The following CAST variants were observed in gnomAD, a reference collection of about 807,000 sequenced individuals.
CAST encodes calpastatin.
Under a neutral mutation model 119.6 loss-of-function variants are expected in CAST, and 76 were observed. The observed-to-expected ratio is 0.64, with a 90% CI of 0.53 to 0.77. CAST has a LOEUF of 0.77. Ranked by LOEUF, CAST falls within the 30% of genes least tolerant of loss-of-function variation. The probability of loss-of-function intolerance (pLI) is 0.00; values close to 1 mark genes in which losing one functional copy is unlikely to be tolerated. For missense variants in CAST, 953 were observed against 946.5 expected, an observed-to-expected ratio of 1.01 and a Z score of -0.09; for synonymous variants, 319 against 331.6, an observed-to-expected ratio of 0.96 and a Z score of 0.41.
intron 1 of CAST, among the ~76,000 whole-genome samples, chr5:96,580,311 T>G (rs1746747601): frequency 1.3e-5 from 2 of 152,190 alleles, no homozygotes; most frequent in Admixed American, 6.5e-5. Context: ...TGTGATGAAA[T>G]TTAATGACGA....
At chr5:96,349,864 G>A in the CAST span, among the ~76,000 whole-genome samples, 22 of 152,216 alleles carry the variant, frequency 1.4e-4, no homozygotes, top group South Asian at 4.6e-3. Context: ...GAAATTGAAG[G>A]CAAGAAGGAA....
chr5:96,424,289 A>G, the CAST span, among the ~76,000 whole-genome samples: 1 of 152,132 alleles, frequency 6.6e-6, no homozygotes, highest in African/African-American at 2.4e-5. Flanking sequence ...GTGGGGTGAC[A>G]AGTATTTGCC....
the CAST span, among the ~76,000 whole-genome samples, chr5:96,417,733 T>C: frequency 6.6e-6 from 1 of 152,210 alleles, no homozygotes; most frequent in African/African-American, 2.4e-5. Flanking sequence ...TACTTAATCT[T>C]TGAGTTAGGA....
At chr5:96,565,969 A>G (rs1248932554) in intron 1 of CAST, among the ~76,000 whole-genome samples, 1 of 152,168 alleles carries the variant, frequency 6.6e-6, no homozygotes, top group East Asian at 1.9e-4. Context: ...TGGGAGCACA[A>G]TTTATCCTAA....
intron 1 of CAST, among the ~76,000 whole-genome samples, chr5:96,639,215 A>G (rs1031873566): frequency 6.6e-6 from 1 of 152,228 alleles, no homozygotes; most frequent in Non-Finnish European, 1.5e-5. Flanking sequence ...AGGGCCCCCC[A>G]TACTGTGACC....
chr5:96,354,780 C>G, the CAST span, among the ~76,000 whole-genome samples: 4 of 149,704 alleles, frequency 2.7e-5, no homozygotes, highest in Non-Finnish European at 5.9e-5. Context: ...TTTCTTTGTT[C>G]TGGAGCTTAG....
chr5:96,289,504 G>C, the CAST span, among the ~76,000 whole-genome samples: 1 of 152,064 alleles, frequency 6.6e-6, no homozygotes, highest in South Asian at 2.1e-4. Flanking sequence ...TTTAATAAGG[G>C]GAAACCCCTT....
At chr5:96,024,147 C>T in the CAST span, among the ~76,000 whole-genome samples, 1 of 152,110 alleles carries the variant, frequency 6.6e-6, no homozygotes, top group East Asian at 1.9e-4. Flanking sequence ...TATCAGTCTC[C>T]ACCTGTTTGT....
At chr5:96,645,108 G>T (rs544546191) in intron 1 of CAST, among the ~76,000 whole-genome samples, 1 of 151,946 alleles carries the variant, frequency 6.6e-6, no homozygotes, top group Non-Finnish European at 1.5e-5. Flanking sequence ...TGTCCCCTTC[G>T]ACTCCTCTGG....
At chr5:96,288,289 T>A in the CAST span, among the ~76,000 whole-genome samples, 2 of 152,208 alleles carry the variant, frequency 1.3e-5, no homozygotes, top group South Asian at 4.1e-4. Context: ...AAAGTACTGT[T>A]GAATGTGAAG....
chr5:96,024,027 A>T, the CAST span, among the ~76,000 whole-genome samples: 2 of 152,188 alleles, frequency 1.3e-5, no homozygotes, highest in African/African-American at 4.8e-5. Context: ...TGCTAACAAA[A>T]ACCACAGTTA....
intron 1 of CAST, among the ~76,000 whole-genome samples, chr5:96,587,826 A>C (rs1746885625): frequency 1.3e-5 from 2 of 152,216 alleles, no homozygotes; most frequent in African/African-American, 4.8e-5. Flanking sequence ...TATGCATGAT[A>C]TTTAAATAAG....
At chr5:96,117,836 A>G in the CAST span, among the ~76,000 whole-genome samples, 1 of 152,198 alleles carries the variant, frequency 6.6e-6, no homozygotes, top group Non-Finnish European at 1.5e-5. Context: ...GGGAAGAACC[A>G]ATCTTGGGAA....
upstream of CAST, among the ~76,000 whole-genome samples, chr5:96,658,739 C>T (rs1381884171): frequency 6.6e-6 from 1 of 152,204 alleles, no homozygotes; most frequent in Non-Finnish European, 1.5e-5. Flanking sequence ...ATCAGAATAA[C>T]CCTAGGATGT....
At chr5:96,618,955 T>G (rs1461653489) in intron 1 of CAST, among the ~76,000 whole-genome samples, 4 of 152,246 alleles carry the variant, frequency 2.6e-5, no homozygotes, top group Admixed American at 2.6e-4. Flanking sequence ...AGAACTTTTA[T>G]GTCTAGCTGG....
chr5:96,738,803 C>G (rs569354018), intron 11 of CAST, among the ~76,000 whole-genome samples: 1 of 151,746 alleles, frequency 6.6e-6, no homozygotes, highest in African/African-American at 2.4e-5. Flanking sequence ...GGAATGTTGG[C>G]GCATGGCTGT....
In CAST at chr5:96,771,660, C is replaced by T; in HGVS notation, c.2357C>T (p.Ser786Phe). 6.2e-7 allele frequency: 1 copy of T among 1,611,950 alleles called. No individual in the cohort carries two copies. The highest frequency in any genetic ancestry group is 1.3e-5 in the African/African-American group (1 of 74,918). Residue 786 changes from serine (S) to phenylalanine (F), a missense_variant, in exon 31 of 32, where the codon TCC becomes TTC. By Grantham distance (155) the Ser-to-Phe change is radical. Coordinates refer to ENST00000675179, the MANE Select transcript of CAST (RefSeq NM_001750.7). ...KDSAKTTEET[S>F]KPKDD is the part of the protein sequence containing the mutation. ...CCCTTTTAGACAACAGAGGAAACTT[C>T]CAAGCCAAAAGATGACTAAAGAAAT...
At chr5:96,406,114 A>G in the CAST span, among the ~76,000 whole-genome samples, 16 of 152,126 alleles carry the variant, frequency 1.1e-4, no homozygotes, top group African/African-American at 3.6e-4. Context: ...GACATTTTCA[A>G]TCTCAACTCT....
intron 3 of CAST, among the ~76,000 whole-genome samples, chr5:96,700,197 G>C (rs1280213697): frequency 6.6e-6 from 1 of 152,160 alleles, no homozygotes; most frequent in African/African-American, 2.4e-5. Context: ...AGATGACTGT[G>C]TGTTAGACAA....
Sources: allele counts gnomAD v4.1 joint callset (sites outside exome capture counted in the v4.1 genomes callset), GRCh38; gene constraint gnomAD v4.1.1; transcripts MANE v1.5; gene names NCBI Gene and HGNC (gene_info 2026-07-23, HGNC 2026-07-21).